The following RBPJ variants were observed in gnomAD, a reference collection of about 807,000 sequenced individuals.
The protein encoded by RBPJ is recombination signal binding protein for immunoglobulin kappa J region.
A neutral mutation model predicts 67.8 loss-of-function variants in RBPJ; 9 were observed. That is an observed-to-expected ratio of 0.13 (90% CI 0.08 to 0.23). The LOEUF (loss-of-function observed/expected upper bound fraction) is 0.23. RBPJ is among the 10% of genes least tolerant of loss of function. The pLI, the probability that RBPJ is intolerant of heterozygous loss-of-function variation, is 1.00. For synonymous variants in RBPJ, 198 were observed against 203.3 expected (o/e 0.97, Z 0.22); for missense variants, 305 against 595.6 (o/e 0.51, Z 5.08).
chr4:26,127,034 T>C, the RBPJ span, among the ~76,000 whole-genome samples: 2 of 152,164 alleles, frequency 1.3e-5, no homozygotes, highest in Non-Finnish European at 2.9e-5. Context: ...ACTCTGAAGC[T>C]GAGATAGCAC....
At chr4:26,115,840 A>C in the RBPJ span, among the ~76,000 whole-genome samples, 6 of 152,186 alleles carry the variant, frequency 3.9e-5, no homozygotes, top group Non-Finnish European at 5.9e-5. Context: ...TCAGTAATGT[A>C]AATGCTGTTA....
intron 1 of RBPJ, among the ~76,000 whole-genome samples, chr4:26,339,836 A>G (rs1047731256): frequency 6.6e-5 from 10 of 152,200 alleles, no homozygotes; most frequent in Admixed American, 5.2e-4. Flanking sequence ...CCTGGCCAAC[A>G]TGGTGAAACC....
chr4:26,424,664 C>T lies in RBPJ; in HGVS notation c.668C>T (p.Thr223Ile), dbSNP rs1364044784. 1 of 1,613,190 alleles carries T rather than the reference C, an allele frequency of 6.2e-7. No homozygotes were observed. Among genetic ancestry groups the T allele is most frequent in the East Asian group, 2.2e-5 (1 of 44,878 alleles). The change falls in exon 7 of 11, where the codon ACA (threonine) becomes ATA (isoleucine). Residue 223 changes from threonine to isoleucine, a missense_variant. Coordinates refer to ENST00000355476, the MANE Select transcript of RBPJ (RefSeq NM_015874.6). The surrounding 1 kb of genome is among the most constrained non-coding windows in gnomAD (Gnocchi z 5.3). ...DDDESEGEEF[T>I]VRDGYIHYGQ... ...GATGAATCAGAAGGAGAAGAATTCA[C>T]AGTCCGAGATGGCTACATCCATTAT...
At position 26,213,731 on chromosome 4, in the gene RBPJ, G is replaced by A. The variant is rs1035715963; in HGVS notation, c.-167+50117G>A. 2.0e-5 allele frequency among the ~76,000 whole-genome samples: 3 copies of A among 152,296 alleles called. No individual in the cohort carries two copies. In the East Asian group the frequency reaches 5.8e-4, roughly 29 times the overall value. The stretch of plus-strand genomic sequence containing the variant: ...CAAGATCAGATTTATTCCTGGAAAG[G>A]TGACTCTGGCTGTTGGATGGAGACT... On this transcript the variant is annotated intron_variant, in intron 1 of 4. Transcript: ENST00000512351.
chr4:26,320,529 G>A, upstream of RBPJ: 1 of 506,684 alleles, frequency 2.0e-6, no homozygotes, highest in South Asian at 3.0e-5. Context: ...AAATAGCTGG[G>A]AACCCAGAGT....
At chr4:26,113,300 C>T in the RBPJ span, 6 of 434,858 alleles carry the variant, frequency 1.4e-5, no homozygotes. Context: ...GGAAAGCTCA[C>T]TGAGTGAGGA....
chr4:26,251,741 G>A (rs1044993091), intron 1 of RBPJ, among the ~76,000 whole-genome samples: 4 of 151,004 alleles, frequency 2.6e-5, no homozygotes, highest in African/African-American at 9.7e-5. Flanking sequence ...CCAGCTACTT[G>A]GGAGGCTGAG....
the RBPJ span, among the ~76,000 whole-genome samples, chr4:26,109,448 CTCTCTCTCTCTCTATATATATATA>C: frequency 2.4e-3 from 63 of 26,294 alleles, 1 homozygote; most frequent in Non-Finnish European, 3.9e-3. Context: ...CTCTCTCTCT[CTCTCTCTCTCTCTATATATATATA>C]TATATATATA....
chr4:26,237,099 A>C (rs1294125229), intron 1 of RBPJ, among the ~76,000 whole-genome samples: 3 of 152,156 alleles, frequency 2.0e-5, no homozygotes, highest in African/African-American at 4.8e-5. Context: ...CGGGCTCCTG[A>C]GTACCAACAG....
intron 1 of RBPJ, among the ~76,000 whole-genome samples, chr4:26,263,150 G>C (rs1577369037): frequency 6.6e-6 from 1 of 151,636 alleles, no homozygotes; most frequent in East Asian, 1.9e-4. Flanking sequence ...AGCGAGCTAA[G>C]CTGATGTAAC....
chr4:26,375,078 G>A lies in RBPJ; in HGVS notation c.21-11275G>A, dbSNP rs535139814. On this transcript the variant is annotated intron_variant, in intron 1 of 10. Transcript: ENST00000355476. ...AGCACTTTGGGAGGCTGAGGCAGGG[G>A]GATCACCGGAGCTCAGGAGTTTGAG... Among the ~76,000 whole-genome samples, 82 of 152,038 alleles carry A rather than the reference G, an allele frequency of 5.4e-4. No individual in the cohort carries two copies. The Middle Eastern group carries it at 0.031, about 57-fold the overall frequency.
At chr4:26,370,534 T>C (rs1470119042) in intron 1 of RBPJ, among the ~76,000 whole-genome samples, 1 of 152,148 alleles carries the variant, frequency 6.6e-6, no homozygotes, top group Admixed American at 6.5e-5. Context: ...CATCAGGGAA[T>C]TTGTAAGGTG....
intron 1 of RBPJ, among the ~76,000 whole-genome samples, chr4:26,285,678 TAAA>T (rs545484809): frequency 6.2e-5 from 6 of 96,272 alleles, no homozygotes; most frequent in Admixed American, 2.3e-4. Context: ...ACTGATACGT[TAAA>T]AAAAAAAAAA....
At chr4:26,147,164 A>G in the RBPJ span, among the ~76,000 whole-genome samples, 1 of 152,252 alleles carries the variant, frequency 6.6e-6, no homozygotes, top group Non-Finnish European at 1.5e-5. Flanking sequence ...TGTACCACTC[A>G]GAGTTCTTAG....
chr4:26,320,859 G>C (rs867008691), upstream of RBPJ: 7 of 1,571,560 alleles, frequency 4.5e-6, no homozygotes, highest in Middle Eastern at 1.7e-4. Flanking sequence ...CCTACTCTGC[G>C]GGCGGCGCGA....
chr4:26,267,887 C>T (rs1006587760), intron 1 of RBPJ, among the ~76,000 whole-genome samples: 1 of 152,014 alleles, frequency 6.6e-6, no homozygotes, highest in Admixed American at 6.6e-5. Flanking sequence ...GGATTACAGG[C>T]GTGAGCCACG....
intron 1 of RBPJ, among the ~76,000 whole-genome samples, chr4:26,367,078 C>T (rs139430901): frequency 1.4e-4 from 21 of 151,918 alleles, no homozygotes; most frequent in African/African-American, 3.9e-4. Flanking sequence ...GAGCTGAGGT[C>T]GCGCCACTGC....
intron 1 of RBPJ, among the ~76,000 whole-genome samples, chr4:26,275,724 G>C (rs942520536): frequency 6.6e-6 from 1 of 152,078 alleles, no homozygotes; most frequent in Admixed American, 6.5e-5. Flanking sequence ...TCCGCCTCTT[G>C]GGTTCAAGCG....
Position 26,357,874 on chromosome 4 carries a change from T to C in RBPJ, c.21-28479T>C, listed in dbSNP as rs538843868. 1.1e-3 allele frequency among the ~76,000 whole-genome samples: 165 copies of C among 152,300 alleles called. 1 individual carries two copies. Among genetic ancestry groups the C allele is most frequent in the Non-Finnish European group, 1.4e-3 (96 of 68,024 alleles). ...TCACTTACCATAATGTCTTCAAGGTTCATCCATGTAGCGTTGTCAGAATTT... is the reference window on the plus strand; with the variant it reads ...TCACTTACCATAATGTCTTCAAGGTCCATCCATGTAGCGTTGTCAGAATTT... On this transcript the variant is annotated intron_variant, in intron 1 of 10. Coordinates refer to ENST00000355476, the MANE Select transcript of RBPJ (RefSeq NM_015874.6).
Sources: allele counts gnomAD v4.1 joint callset (sites outside exome capture counted in the v4.1 genomes callset), GRCh38; gene constraint gnomAD v4.1.1; non-coding constraint Gnocchi (gnomAD v3.1); transcripts MANE v1.5; gene names NCBI Gene and HGNC (gene_info 2026-07-23, HGNC 2026-07-21).